FUT8: variants seen among roughly 807,000 people sequenced by gnomAD.
The protein encoded by FUT8 is alpha-(1,6)-fucosyltransferase.
FUT8 carries 29 observed loss-of-function variants against 71.3 expected under a neutral mutation model. The observed-to-expected ratio is 0.41, with a 90% CI of 0.30 to 0.55. FUT8 has a LOEUF of 0.55. FUT8 is among the 20% of genes least tolerant of loss of function. The pLI is 0.34. For synonymous variants in FUT8, 254 were observed against 239.3 expected (o/e 1.06, Z -0.57); for missense variants, 544 against 702.1 (o/e 0.77, Z 2.55).
At chr14:65,569,692 G>T (rs1336982077) in intron 3 of FUT8, among the ~76,000 whole-genome samples, 2 of 151,402 alleles carry the variant, frequency 1.3e-5, no homozygotes, top group African/African-American at 4.9e-5. Flanking sequence ...TCACCTTTTG[G>T]TTGATTTCTT....
chr14:65,729,596 G>T (rs1895867255), intron 9 of FUT8, among the ~76,000 whole-genome samples: 1 of 150,786 alleles, frequency 6.6e-6, no homozygotes, highest in East Asian at 1.9e-4. Context: ...GCTCACGGTA[G>T]CCTCGACCTC....
chr14:65,480,668 T>C (rs1292517351), intron 2 of FUT8, among the ~76,000 whole-genome samples: 5 of 151,858 alleles, frequency 3.3e-5, no homozygotes, highest in African/African-American at 1.2e-4. Flanking sequence ...TATCCAGAAG[T>C]GGAATCACTG....
At chr14:65,681,859 G>A (rs1893055170) in intron 7 of FUT8, among the ~76,000 whole-genome samples, 2 of 152,162 alleles carry the variant, frequency 1.3e-5, no homozygotes, top group East Asian at 3.8e-4. Context: ...GCCAGAGGTA[G>A]TACAGCCGCT....
rs377418668 is a variant in FUT8 at position 65,464,300 on chromosome 14, T to C, written c.-228+8582T>C. On this transcript the variant is annotated intron_variant, in intron 2 of 10. Transcript: ENST00000673929. Reference sequence around the variant, plus strand: ...TTTTTACATAGATGATCATGTCATCTGCAAATAGAGAGTTTTATTTCTTTC... The same window carrying C: ...TTTTTACATAGATGATCATGTCATCCGCAAATAGAGAGTTTTATTTCTTTC... Among the ~76,000 whole-genome samples, 18 of 147,898 alleles carry C rather than the reference T, an allele frequency of 1.2e-4. No homozygotes were observed. The East Asian group carries it at 3.6e-3, about 29-fold the overall frequency.
At chr14:65,518,368 T>C (rs1882850401) in intron 2 of FUT8, among the ~76,000 whole-genome samples, 2 of 152,134 alleles carry the variant, frequency 1.3e-5, no homozygotes, top group Non-Finnish European at 2.9e-5. Flanking sequence ...CATAGTGAGC[T>C]TGAACTGTGA....
upstream of FUT8, among the ~76,000 whole-genome samples, chr14:65,409,121 G>A (rs1316743116): frequency 6.6e-6 from 1 of 152,092 alleles, no homozygotes; most frequent in East Asian, 1.9e-4. The surrounding 1 kb of genome is among the most constrained non-coding windows in gnomAD (Gnocchi z 5.4). Flanking sequence ...GGCCCAGATG[G>A]GTAAAATGAT....
chr14:65,704,212 A>G (rs1894449472), intron 7 of FUT8, among the ~76,000 whole-genome samples: 1 of 152,232 alleles, frequency 6.6e-6, no homozygotes, highest in African/African-American at 2.4e-5. Context: ...GCAAAAAGGA[A>G]TCCAGTGTGC....
At chr14:65,600,903 A>G (rs1472888594) in intron 3 of FUT8, among the ~76,000 whole-genome samples, 1 of 152,178 alleles carries the variant, frequency 6.6e-6, no homozygotes, top group African/African-American at 2.4e-5. Context: ...ACAGACAACT[A>G]TTCGTTCTAC....
intron 3 of FUT8, among the ~76,000 whole-genome samples, chr14:65,587,203 CAAA>C (rs1052249531): frequency 1.4e-5 from 2 of 145,890 alleles, no homozygotes; most frequent in African/African-American, 5.0e-5. Context: ...AAAAAAAAAA[CAAA>C]AAAAACTAAT....
At chr14:65,459,387 G>T (rs1594653487) in intron 2 of FUT8, among the ~76,000 whole-genome samples, 2 of 152,078 alleles carry the variant, frequency 1.3e-5, no homozygotes, top group East Asian at 3.9e-4. Context: ...AAAAAATTTA[G>T]ATTTTTCTAG....
At chr14:65,370,242 C>G in the FUT8 span, among the ~76,000 whole-genome samples, 1 of 110,404 alleles carries the variant, frequency 9.1e-6, no homozygotes, top group East Asian at 3.1e-4. Context: ...GAGTCTTGCT[C>G]TGTCACCCAG....
At chr14:65,539,484 G>A (rs948249384) in intron 2 of FUT8, among the ~76,000 whole-genome samples, 1 of 152,190 alleles carries the variant, frequency 6.6e-6, no homozygotes, top group African/African-American at 2.4e-5. Flanking sequence ...GTGGACTCTA[G>A]AGCTAGCTTG....
chr14:65,610,895 T>A (rs757003550), intron 3 of FUT8, among the ~76,000 whole-genome samples: 2 of 151,902 alleles, frequency 1.3e-5, no homozygotes, highest in African/African-American at 2.4e-5. Flanking sequence ...CTACATTACA[T>A]ATGGTTGGGT....
At chr14:65,515,959 A>G (rs1464206161) in intron 2 of FUT8, among the ~76,000 whole-genome samples, 1 of 152,140 alleles carries the variant, frequency 6.6e-6, no homozygotes, top group Non-Finnish European at 1.5e-5. Context: ...ATTTTGACTA[A>G]AGTTTAAGAG....
chr14:65,701,930 A>G (rs1301984708), intron 7 of FUT8, among the ~76,000 whole-genome samples: 2 of 152,204 alleles, frequency 1.3e-5, no homozygotes, highest in African/African-American at 4.8e-5. Flanking sequence ...CACTGAAACT[A>G]TGATAATGGA....
At chr14:65,532,056 A>G (rs539954758) in intron 2 of FUT8, among the ~76,000 whole-genome samples, 8 of 152,212 alleles carry the variant, frequency 5.3e-5, no homozygotes, top group Middle Eastern at 3.4e-3. Context: ...TGTCTTTGCT[A>G]TTGCAAATAG....
chr14:65,677,161 CATGCGCGCGCACGT>C (rs1227095502), intron 7 of FUT8, among the ~76,000 whole-genome samples: 8 of 50,786 alleles, frequency 1.6e-4, no homozygotes, highest in African/African-American at 5.6e-4. Flanking sequence ...TGCGCGCGCG[CATGCGCGCGCACGT>C]ATGTGTGTGC....
intron 3 of FUT8, among the ~76,000 whole-genome samples, chr14:65,596,174 AT>A (rs1887968622): frequency 6.6e-6 from 1 of 152,142 alleles, no homozygotes; most frequent in Admixed American, 6.5e-5. Flanking sequence ...CCCTTTTGGA[AT>A]GATTATTTTA....
In FUT8 at chr14:65,724,299, C is replaced by A; in HGVS notation, c.1235C>A (p.Ser412Tyr). ...GTGTATTTGGCCACAGATGACCCTT[C>A]TTTATTAAAGGAGGCAAAAACAAAG... ...KRVYLATDDP[S>Y]LLKEAKTKYP... The change falls in exon 9 of 11, where the codon TCT (serine) becomes TAT (tyrosine). Residue 412 changes from serine (S) to tyrosine (Y), a missense_variant. Ser to Tyr is a moderately radical substitution (Grantham distance 144, BLOSUM62 -2). Coordinates refer to ENST00000673929, the MANE Select transcript of FUT8 (RefSeq NM_001371533.1). The A allele has an allele frequency of 6.2e-7, 1 of 1,607,764 alleles. No individual in the cohort carries two copies.
Sources: gnomAD v4.1 joint callset for allele counts (sites outside exome capture counted in the v4.1 genomes callset) on GRCh38, gnomAD v4.1.1 for gene constraint, Gnocchi (gnomAD v3.1) non-coding constraint, MANE v1.5 for transcripts, NCBI Gene and HGNC (gene_info 2026-07-23, HGNC 2026-07-21) for gene names.